DENND1A: variants seen among roughly 807,000 people sequenced by gnomAD.
DENND1A encodes DENN domain containing 1A.
DENND1A carries 51 observed loss-of-function variants against 113.7 expected under a neutral mutation model. The observed-to-expected ratio is 0.45, with a 90% CI of 0.36 to 0.57. The LOEUF is 0.57. Among genes scored for constraint, DENND1A ranks in the 20% least tolerant of loss-of-function variants. The pLI, the probability that DENND1A is intolerant of heterozygous loss-of-function variation, is 0.00. For synonymous variants in DENND1A, 565 were observed against 570.8 expected (o/e 0.99, Z 0.14); for missense variants, 1,258 against 1,395.9 (o/e 0.90, Z 1.57).
At chr9:123,463,407 C>A (rs747310538) in intron 13 of DENND1A, among the ~76,000 whole-genome samples, 3 of 152,124 alleles carry the variant, frequency 2.0e-5, no homozygotes, top group Non-Finnish European at 4.4e-5. Flanking sequence ...TGACTCTATC[C>A]ACAGCATTGC....
intron 15 of DENND1A, 150 bp from the exon 16 acceptor site, chr9:123,454,929 C>T (rs905065661): frequency 3.6e-5 from 25 of 686,692 alleles, no homozygotes; most frequent in Admixed American, 3.6e-4. Context: ...CTCCTGGGTT[C>T]AAGCAATTCT....
At chr9:123,907,185 A>G (rs1220971064) in intron 1 of DENND1A, among the ~76,000 whole-genome samples, 1 of 139,014 alleles carries the variant, frequency 7.2e-6, no homozygotes, top group African/African-American at 2.7e-5. Flanking sequence ...CTCTCAATAA[A>G]TTAGGTATTG....
rs552449282 is a variant in DENND1A at position 123,672,627 on chromosome 9, T to C, written c.373-1256A>G. Among the ~76,000 whole-genome samples, 33 of 152,266 alleles carry C rather than the reference T, an allele frequency of 2.2e-4. No individual in the cohort carries two copies. In the South Asian group the frequency reaches 6.8e-3, roughly 32 times the overall value. On this transcript the variant is annotated intron_variant, in intron 6 of 23. Coordinates refer to ENST00000394215, the MANE Select transcript of DENND1A (RefSeq NM_001352964.2). ...CCTTTAAGAGTGAGTACATCATGAA[T>C]TAATGCCATTATTGTGAGAGTGGGC...
intron 13 of DENND1A, among the ~76,000 whole-genome samples, chr9:123,461,595 C>G (rs1353744164): frequency 6.6e-6 from 1 of 152,204 alleles, no homozygotes; most frequent in Non-Finnish European, 1.5e-5. Context: ...AAGAAGTCTG[C>G]TGAGGGCCCG....
At chr9:123,463,021 G>T (rs1279626084) in intron 13 of DENND1A, among the ~76,000 whole-genome samples, 1 of 152,200 alleles carries the variant, frequency 6.6e-6, no homozygotes, top group Non-Finnish European at 1.5e-5. Flanking sequence ...GCATGGAGAA[G>T]AGTAAGGCAA....
At chr9:123,739,327 C>T (rs370500002) in intron 5 of DENND1A, among the ~76,000 whole-genome samples, 1 of 151,850 alleles carries the variant, frequency 6.6e-6, no homozygotes, top group Non-Finnish European at 1.5e-5. Context: ...AAGCAGACCC[C>T]GGGCTTTCTT....
chr9:123,498,651 T>TG (rs2052162367), intron 13 of DENND1A, among the ~76,000 whole-genome samples: 1 of 151,998 alleles, frequency 6.6e-6, no homozygotes, highest in African/African-American at 2.4e-5. Context: ...GCCAGGGCTT[T>TG]GGGGTCCAAT....
chr9:123,845,505 C>T (rs1246730511), intron 2 of DENND1A, among the ~76,000 whole-genome samples: 2 of 151,288 alleles, frequency 1.3e-5, no homozygotes, highest in Admixed American at 6.6e-5. Flanking sequence ...TCTCTCCCTA[C>T]CCACCCCCCA....
intron 1 of DENND1A, among the ~76,000 whole-genome samples, chr9:123,880,792 C>A (rs1392197146): frequency 6.6e-6 from 1 of 152,116 alleles, no homozygotes; most frequent in Non-Finnish European, 1.5e-5. Context: ...CTATTTCACT[C>A]GATTCTAGAA....
chr9:123,632,210 C>T (rs1446709953), intron 9 of DENND1A, among the ~76,000 whole-genome samples: 1 of 151,960 alleles, frequency 6.6e-6, no homozygotes, highest in Admixed American at 6.6e-5. Flanking sequence ...CCTGCCCTGA[C>T]TCTTTCCTCC....
chr9:123,705,096 G>A (rs573801901), intron 5 of DENND1A, among the ~76,000 whole-genome samples: 3 of 151,350 alleles, frequency 2.0e-5, no homozygotes, highest in South Asian at 2.1e-4. Context: ...AAACACATGA[G>A]AGACAAAGCA....
At chr9:123,842,014 G>C (rs1217594452) in intron 2 of DENND1A, among the ~76,000 whole-genome samples, 2 of 152,178 alleles carry the variant, frequency 1.3e-5, no homozygotes, top group African/African-American at 4.8e-5. Context: ...TGAGAGCTCA[G>C]AAGAAATGTT....
chr9:123,581,858 C>T (rs1465274345), intron 12 of DENND1A, among the ~76,000 whole-genome samples: 1 of 152,146 alleles, frequency 6.6e-6, no homozygotes, highest in East Asian at 1.9e-4. Flanking sequence ...GCAGGCAGAG[C>T]TACGGAGGCC....
intron 9 of DENND1A, among the ~76,000 whole-genome samples, chr9:123,637,706 C>T (rs1033299389): frequency 2.6e-5 from 4 of 152,090 alleles, no homozygotes; most frequent in African/African-American, 7.2e-5. Context: ...AATCAAAGAA[C>T]CTTCAGCTAC....
intron 13 of DENND1A, among the ~76,000 whole-genome samples, chr9:123,459,601 G>A (rs2048383821): frequency 6.6e-6 from 1 of 150,858 alleles, no homozygotes; most frequent in Non-Finnish European, 1.5e-5. Context: ...AACATGTTTG[G>A]AGTGCTTATC....
At chr9:123,825,311 C>T (rs962710835) in intron 2 of DENND1A, among the ~76,000 whole-genome samples, 1 of 146,322 alleles carries the variant, frequency 6.8e-6, no homozygotes, top group African/African-American at 2.6e-5. Flanking sequence ...CACAGCTCTT[C>T]TTTTAAAAAA....
At chr9:123,868,716 T>A (rs1846118029) in intron 2 of DENND1A, among the ~76,000 whole-genome samples, 1 of 152,178 alleles carries the variant, frequency 6.6e-6, no homozygotes, top group South Asian at 2.1e-4. Context: ...AAGCAAAAAT[T>A]CTAAGGCTCC....
intron 2 of DENND1A, among the ~76,000 whole-genome samples, chr9:123,793,739 A>C (rs1402408988): frequency 6.6e-6 from 1 of 152,214 alleles, no homozygotes; most frequent in Non-Finnish European, 1.5e-5. Flanking sequence ...GGGCCTATTC[A>C]CAAACTACTA....
intron 16 of DENND1A, among the ~76,000 whole-genome samples, chr9:123,453,452 T>TA (rs1445752900): frequency 6.6e-6 from 1 of 152,218 alleles, no homozygotes; most frequent in Non-Finnish European, 1.5e-5. Context: ...GTGGCTGCTG[T>TA]ACTGCGCCAT....
Sources: allele counts gnomAD v4.1 joint callset (sites outside exome capture counted in the v4.1 genomes callset), GRCh38; gene constraint gnomAD v4.1.1; transcripts MANE v1.5; gene names NCBI Gene and HGNC (gene_info 2026-07-23, HGNC 2026-07-21).